Variants in KCND3 observed in about 807,000 individuals in gnomAD.
The protein encoded by KCND3 is potassium voltage-gated channel subfamily D member 3.
In KCND3, 9 loss-of-function variants were observed where a neutral mutation model predicts 51.1. The observed-to-expected ratio is 0.18, with a 90% CI of 0.11 to 0.31. The LOEUF (loss-of-function observed/expected upper bound fraction) is 0.31, where lower values mean the gene tolerates loss of function less well. KCND3 is among the 10% of genes least tolerant of loss of function. The probability of loss-of-function intolerance (pLI) is 1.00; values close to 1 mark genes in which losing one functional copy is unlikely to be tolerated. For synonymous variants in KCND3, 349 were observed against 368.0 expected (o/e 0.95, Z 0.59); for missense variants, 526 against 903.8 (o/e 0.58, Z 5.36).
chr1:111,963,973 T>C (rs1332362245), intron 2 of KCND3, among the ~76,000 whole-genome samples: 3 of 152,206 alleles, frequency 2.0e-5, no homozygotes, highest in Non-Finnish European at 4.4e-5. Context: ...CAGAGGGAAT[T>C]AGTCCTCCCC....
chr1:111,891,340 GC>G (rs1235712215), intron 2 of KCND3, among the ~76,000 whole-genome samples: 1 of 152,188 alleles, frequency 6.6e-6, no homozygotes, highest in African/African-American at 2.4e-5. Flanking sequence ...GAGTCTGTTT[GC>G]AGGGAAGTAG....
At chr1:111,946,627 T>C (rs1672792031) in intron 2 of KCND3, among the ~76,000 whole-genome samples, 1 of 152,264 alleles carries the variant, frequency 6.6e-6, no homozygotes, top group African/African-American at 2.4e-5. Context: ...CTCATTGGAC[T>C]GAGAATACCA....
chr1:111,953,540 G>T (rs760398823), intron 2 of KCND3, among the ~76,000 whole-genome samples: 1 of 152,198 alleles, frequency 6.6e-6, no homozygotes, highest in East Asian at 1.9e-4. Flanking sequence ...TTTGGACTAC[G>T]CCTGGGAAAC....
At chr1:111,894,264 T>A (rs1453326573) in intron 2 of KCND3, among the ~76,000 whole-genome samples, 1 of 152,194 alleles carries the variant, frequency 6.6e-6, no homozygotes, top group African/African-American at 2.4e-5. Context: ...ATTCCCATTA[T>A]GAGGCTTTGG....
At chr1:111,860,012 C>A (rs900844928) in intron 2 of KCND3, among the ~76,000 whole-genome samples, 4 of 152,196 alleles carry the variant, frequency 2.6e-5, no homozygotes, top group African/African-American at 9.7e-5. Context: ...GCCCTAAAGA[C>A]AATCAGGAAC....
At chr1:111,899,358 T>C (rs1374435806) in intron 2 of KCND3, among the ~76,000 whole-genome samples, 1 of 152,272 alleles carries the variant, frequency 6.6e-6, no homozygotes, top group Non-Finnish European at 1.5e-5. Context: ...CCCTTCCATC[T>C]TTGCTTCTTT....
At chr1:111,879,606 A>G (rs1228540483) in intron 2 of KCND3, among the ~76,000 whole-genome samples, 2 of 152,208 alleles carry the variant, frequency 1.3e-5, no homozygotes, top group Non-Finnish European at 2.9e-5. Flanking sequence ...GAGTCTGGGG[A>G]AAAACAATGG....
chr1:111,848,630 C>A (rs1176189184), intron 2 of KCND3, among the ~76,000 whole-genome samples: 2 of 152,246 alleles, frequency 1.3e-5, no homozygotes, highest in African/African-American at 4.8e-5. Context: ...GCCACACAGG[C>A]TTGGTTACAG....
intron 2 of KCND3, among the ~76,000 whole-genome samples, chr1:111,911,432 A>C (rs1670940404): frequency 2.3e-4 from 35 of 152,220 alleles, no homozygotes; most frequent in Admixed American, 2.3e-3. Context: ...ATTCAGGTGC[A>C]CTTATATAAA....
At chr1:111,830,021 C>G (rs1357417407) in intron 2 of KCND3, among the ~76,000 whole-genome samples, 1 of 152,188 alleles carries the variant, frequency 6.6e-6, no homozygotes, top group Non-Finnish European at 1.5e-5. Context: ...ACTGCCTGAA[C>G]TCTTCTCCCC....
At chr1:111,889,633 T>A (rs893884912) in intron 2 of KCND3, among the ~76,000 whole-genome samples, 1 of 152,034 alleles carries the variant, frequency 6.6e-6, no homozygotes, top group Non-Finnish European at 1.5e-5. Flanking sequence ...TCTCTGTGAT[T>A]TTGAGGGCTC....
chr1:111,962,051 C>T (rs1466023104), intron 2 of KCND3, among the ~76,000 whole-genome samples: 2 of 152,210 alleles, frequency 1.3e-5, no homozygotes, highest in African/African-American at 4.8e-5. Context: ...GCCACCCAAG[C>T]ATGAGGGCAG....
rs535340633 is a variant in KCND3, at chr1:111,821,256, A to G, written c.1107-34150T>C. Among the ~76,000 whole-genome samples the G allele has an allele frequency of 4.6e-5, 7 of 152,212 alleles. No individual in the cohort carries two copies. In the South Asian group the frequency reaches 1.0e-3, roughly 23 times the overall value. ...AAGGAATGTAGTAAATATTTTATGGATGGGTGTTAAAGGCCCAGCGAGGTC... is the reference window on the plus strand; with the variant it reads ...AAGGAATGTAGTAAATATTTTATGGGTGGGTGTTAAAGGCCCAGCGAGGTC... On this transcript the variant is annotated intron_variant, in intron 2 of 7. Transcript: ENST00000302127.
At chr1:111,909,035 G>A (rs375342749) in intron 2 of KCND3, among the ~76,000 whole-genome samples, 7 of 151,008 alleles carry the variant, frequency 4.6e-5, no homozygotes, top group Admixed American at 2.0e-4. Context: ...GGCATCAGGT[G>A]GGAACTTAAA....
intron 2 of KCND3, among the ~76,000 whole-genome samples, chr1:111,858,977 A>G (rs1163857371): frequency 1.3e-5 from 2 of 152,084 alleles, no homozygotes; most frequent in African/African-American, 4.8e-5. Flanking sequence ...GTCATTTGGG[A>G]CCTTCTGGGA....
chr1:111,943,648 A>C (rs1477141256), intron 2 of KCND3, among the ~76,000 whole-genome samples: 1 of 152,204 alleles, frequency 6.6e-6, no homozygotes, highest in Non-Finnish European at 1.5e-5. Context: ...CCTCTTGTGC[A>C]TCACCTGGAC....
intron 2 of KCND3, among the ~76,000 whole-genome samples, chr1:111,980,238 G>C (rs1674874079): frequency 6.6e-6 from 1 of 151,734 alleles, no homozygotes; most frequent in South Asian, 2.1e-4. Context: ...GTGTGTGTGT[G>C]GGTTGGAGTG....
At chr1:111,892,915 C>T (rs752164716) in intron 2 of KCND3, among the ~76,000 whole-genome samples, 1 of 152,180 alleles carries the variant, frequency 6.6e-6, no homozygotes, top group Non-Finnish European at 1.5e-5. Context: ...GACGACACAC[C>T]AAAGTATCCT....
At chr1:111,975,235 A>G (rs1341316474) in intron 2 of KCND3, among the ~76,000 whole-genome samples, 1 of 152,076 alleles carries the variant, frequency 6.6e-6, no homozygotes, top group African/African-American at 2.4e-5. Context: ...TGATGCTACA[A>G]CTCAGGTGCT....
Sources: allele counts gnomAD v4.1 joint callset (sites outside exome capture counted in the v4.1 genomes callset), GRCh38; gene constraint gnomAD v4.1.1; transcripts MANE v1.5; gene names NCBI Gene and HGNC (gene_info 2026-07-23, HGNC 2026-07-21).